IL1RAPL1: variants seen among roughly 807,000 people sequenced by gnomAD.
IL1RAPL1 encodes the protein interleukin-1 receptor accessory protein-like 1.
IL1RAPL1 carries 3 observed loss-of-function variants against 48.4 expected under a neutral mutation model. The ratio of observed to expected loss-of-function variants is 0.06; its 90% CI spans 0.03 to 0.16. IL1RAPL1 has a LOEUF of 0.16. Among genes scored for constraint, IL1RAPL1 ranks in the 10% least tolerant of loss-of-function variants. IL1RAPL1 has a pLI of 1.00. For synonymous variants in IL1RAPL1, 185 were observed against 187.7 expected (o/e 0.99, Z 0.12); for missense variants, 349 against 530.6 (o/e 0.66, Z 3.36).
chrX:28,618,092 A>G (rs1197072182), intron 1 of IL1RAPL1, among the ~76,000 whole-genome samples: 1 of 111,956 alleles, frequency 8.9e-6, no homozygotes, highest in African/African-American at 3.2e-5. Flanking sequence ...GAGAGAATAG[A>G]TATCTTTTTT....
chrX:29,079,027 T>A (rs1165819964), intron 2 of IL1RAPL1, among the ~76,000 whole-genome samples: 1 of 112,183 alleles, frequency 8.9e-6, no homozygotes, highest in Non-Finnish European at 1.9e-5. Context: ...TTTCACACAA[T>A]AAAGTACTGC....
At chrX:28,840,097 G>A (rs1488297737) in intron 2 of IL1RAPL1, among the ~76,000 whole-genome samples, 2 of 110,476 alleles carry the variant, frequency 1.8e-5, no homozygotes, top group African/African-American at 6.6e-5. Flanking sequence ...GATGACTCAT[G>A]GGAATAGAAT....
chrX:29,226,124 G>A (rs1266996652), intron 2 of IL1RAPL1, among the ~76,000 whole-genome samples: 2 of 111,758 alleles, frequency 1.8e-5, no homozygotes, highest in East Asian at 5.6e-4. Context: ...AGCTTATACA[G>A]TGTACTGTAT....
chrX:28,668,717 C>G (rs1934912271), intron 1 of IL1RAPL1, among the ~76,000 whole-genome samples: 1 of 112,320 alleles, frequency 8.9e-6, no homozygotes, highest in Non-Finnish European at 1.9e-5. Context: ...TTGGGATACC[C>G]TATTTCTCCT....
intron 3 of IL1RAPL1, among the ~76,000 whole-genome samples, chrX:29,322,211 TTCTTTCTTTCTG>T (rs1233850821): frequency 5.7e-4 from 63 of 110,728 alleles, no homozygotes; most frequent in East Asian, 8.5e-4. Context: ...TTCTTTTTCT[TTCTTTCTTTCTG>T]TCTTTCTTTC....
At chrX:28,606,916 G>A (rs147050925) in intron 1 of IL1RAPL1, among the ~76,000 whole-genome samples, 131 of 111,225 alleles carry the variant, frequency 1.2e-3, no homozygotes, top group African/African-American at 4.1e-3. Flanking sequence ...ATTGTAATGA[G>A]GTATTCTTAT....
At chrX:28,923,595 A>T (rs1322851384) in intron 2 of IL1RAPL1, among the ~76,000 whole-genome samples, 4 of 111,557 alleles carry the variant, frequency 3.6e-5, no homozygotes, top group African/African-American at 1.3e-4. Flanking sequence ...ACTTACACTG[A>T]AATAAAATGG....
At chrX:28,751,870 G>C (rs1936047963) in intron 1 of IL1RAPL1, among the ~76,000 whole-genome samples, 1 of 111,861 alleles carries the variant, frequency 8.9e-6, no homozygotes, top group African/African-American at 3.2e-5. Flanking sequence ...AGTGGAAAGG[G>C]TGAAAGCTTT....
intron 6 of IL1RAPL1, among the ~76,000 whole-genome samples, chrX:29,825,252 C>T (rs1018578896): frequency 5.4e-5 from 6 of 111,078 alleles, no homozygotes; most frequent in African/African-American, 9.8e-5. Flanking sequence ...TCTTGCCTTT[C>T]TTCAGTTTGC....
chrX:29,172,340 A>G (rs1191985922), intron 2 of IL1RAPL1, among the ~76,000 whole-genome samples: 1 of 111,863 alleles, frequency 8.9e-6, no homozygotes, highest in Non-Finnish European at 1.9e-5. Flanking sequence ...CCAGGAACCT[A>G]GAGATGCAAA....
chrX:28,772,771 C>T (rs754475478), intron 1 of IL1RAPL1, among the ~76,000 whole-genome samples: 4 of 111,636 alleles, frequency 3.6e-5, no homozygotes, highest in Non-Finnish European at 7.5e-5. Context: ...ATGATTCTGG[C>T]ATGGACAGTA....
intron 3 of IL1RAPL1, among the ~76,000 whole-genome samples, chrX:29,391,874 A>G (rs1422623720): frequency 1.8e-5 from 2 of 111,864 alleles, no homozygotes; most frequent in Non-Finnish European, 3.8e-5. Context: ...TCTACCACTA[A>G]TTAGATAATA....
At chrX:29,775,997 A>G (rs937346943) in intron 6 of IL1RAPL1, among the ~76,000 whole-genome samples, 1 of 109,982 alleles carries the variant, frequency 9.1e-6, no homozygotes, top group Non-Finnish European at 1.9e-5. Context: ...TTCTCTTTCT[A>G]TCTCTAAATC....
chrX:29,067,329 T>C (rs1183291209), intron 2 of IL1RAPL1, among the ~76,000 whole-genome samples: 1 of 112,293 alleles, frequency 8.9e-6, no homozygotes, highest in Non-Finnish European at 1.9e-5. Flanking sequence ...TGATTCAGAC[T>C]GAGAAATAGC....
chrX:28,631,704 G>T (rs776757282), intron 1 of IL1RAPL1, among the ~76,000 whole-genome samples: 1 of 112,720 alleles, frequency 8.9e-6, no homozygotes, highest in African/African-American at 3.2e-5. Context: ...CTCCAAAGTA[G>T]ATTTTCTTCC....
At chrX:29,201,348 AT>A (rs1158559805) in intron 2 of IL1RAPL1, among the ~76,000 whole-genome samples, 16 of 111,704 alleles carry the variant, frequency 1.4e-4, no homozygotes, top group African/African-American at 4.9e-4. Flanking sequence ...AATAAAATTA[AT>A]TTTGATAACT....
At chrX:29,025,684 A>G (rs1372458695) in intron 2 of IL1RAPL1, among the ~76,000 whole-genome samples, 1 of 111,881 alleles carries the variant, frequency 8.9e-6, no homozygotes, top group Admixed American at 9.6e-5. Context: ...ATTTTTGTAG[A>G]ATCTTTGATT....
intron 1 of IL1RAPL1, among the ~76,000 whole-genome samples, chrX:28,632,328 A>G (rs1934410466): frequency 9.0e-6 from 1 of 111,434 alleles, no homozygotes; most frequent in South Asian, 3.7e-4. Context: ...GTCCTATTGT[A>G]TTAGATCTTC....
chrX:28,953,216 T>A (rs2147356640), intron 2 of IL1RAPL1, among the ~76,000 whole-genome samples: 1 of 111,582 alleles, frequency 9.0e-6, no homozygotes, highest in South Asian at 3.7e-4. Context: ...AATTTTTGTG[T>A]GCAAAATTTC....
Sources: gnomAD v4.1 joint callset for allele counts (sites outside exome capture counted in the v4.1 genomes callset) on GRCh38, gnomAD v4.1.1 for gene constraint, MANE v1.5 for transcripts, NCBI Gene and HGNC (gene_info 2026-07-23, HGNC 2026-07-21) for gene names.